Variants in MYO18B observed in about 807,000 individuals in gnomAD.
The protein encoded by MYO18B is unconventional myosin-XVIIIb.
In MYO18B, 204 loss-of-function variants were observed where a neutral mutation model predicts 273.0. The ratio of observed to expected loss-of-function variants is 0.75; its 90% CI spans 0.67 to 0.84. MYO18B has a LOEUF of 0.84. Ranked by LOEUF, MYO18B falls within the 40% of genes least tolerant of loss-of-function variation. The probability of loss-of-function intolerance (pLI) is 0.00; values close to 1 mark genes in which losing one functional copy is unlikely to be tolerated. For missense variants in MYO18B, 3,212 were observed against 3,287.6 expected (o/e 0.98, Z 0.56); for synonymous variants, 1,330 against 1,305.7 (o/e 1.02, Z -0.40).
intron 20 of MYO18B, among the ~76,000 whole-genome samples, chr22:25,848,819 G>A (rs769205515): frequency 6.6e-6 from 1 of 152,144 alleles, no homozygotes; most frequent in Non-Finnish European, 1.5e-5. Context: ...AGGACAGGGT[G>A]GCTGGGACAG....
chr22:25,848,282 G>A (rs2090319859), intron 20 of MYO18B, among the ~76,000 whole-genome samples: 1 of 152,180 alleles, frequency 6.6e-6, no homozygotes, highest in African/African-American at 2.4e-5. Context: ...AGGGATACGG[G>A]AGGCCCTGAG....
intron 25 of MYO18B, among the ~76,000 whole-genome samples, chr22:25,885,371 C>T (rs1181777639): frequency 6.6e-6 from 1 of 152,102 alleles, no homozygotes; most frequent in Non-Finnish European, 1.5e-5. Context: ...TGAGGAGAAG[C>T]ATCTACTCAG....
chr22:26,031,129 ACC>A (rs1407026257), downstream of MYO18B: 1 of 391,972 alleles, frequency 2.6e-6, no homozygotes. Flanking sequence ...TTCCCTTTTT[ACC>A]AAGGCGAAGC....
At chr22:26,038,661 ACTC>A in the MYO18B span, among the ~76,000 whole-genome samples, 1 of 151,704 alleles carries the variant, frequency 6.6e-6, no homozygotes, top group African/African-American at 2.4e-5. Flanking sequence ...CTCTCTCTCC[ACTC>A]CTCCTCCTGT....
intron 9 of MYO18B, among the ~76,000 whole-genome samples, chr22:25,781,471 G>A (rs568993537): frequency 6.6e-6 from 1 of 152,248 alleles, no homozygotes; most frequent in African/African-American, 2.4e-5. Flanking sequence ...TTAGCCGGGC[G>A]TGGTGGTGGG....
In MYO18B at chr22:25,769,377, G is replaced by T. The variant is rs1434879296; in HGVS notation, c.1461G>T (p.Gly487=). ...RPRIRKENQD[G]PAPQEEGKGG... is the part of the protein sequence containing the mutation. ...GGATACGGAAGGAGAACCAAGACGG[G>T]CCAGCCCCGCAGGAGGAGGGCAAAG... Residue 487 remains glycine (G), a synonymous_variant, in exon 4 of 44, where the codon GGG becomes GGT. Coordinates refer to ENST00000335473, the MANE Select transcript of MYO18B (RefSeq NM_032608.7). 1.3e-6 allele frequency: 2 copies of T among 1,572,652 alleles called. No homozygotes were observed. The highest frequency in any genetic ancestry group is 1.7e-6 in the Non-Finnish European group (2 of 1,159,740).
At chr22:25,944,448 G>A (rs2092681205) in intron 34 of MYO18B, among the ~76,000 whole-genome samples, 2 of 152,078 alleles carry the variant, frequency 1.3e-5, no homozygotes, top group African/African-American at 2.4e-5. Context: ...TTTCTGTTCC[G>A]AGATACAGAA....
chr22:25,777,675 G>C lies in MYO18B; in HGVS notation c.1962G>C (p.Gln654His). Residue 654 changes from glutamine to histidine, a missense_variant, in exon 8 of 44, where the codon CAG becomes CAC. Coordinates refer to ENST00000335473, the MANE Select transcript of MYO18B (RefSeq NM_032608.7). ...YWALLNQRRD[Q>H]SIVALGWSGA... is the part of the protein sequence containing the mutation. ...CGCTGCTGAACCAGCGGAGAGACCA[G>C]AGCATTGTGGCCCTGGGCTGGAGTG... is the stretch of plus-strand genomic sequence containing the variant. The C allele has an allele frequency of 6.2e-7, 1 of 1,613,264 alleles. No individual in the cohort carries two copies. The highest frequency in any genetic ancestry group is 8.5e-7 in the Non-Finnish European group (1 of 1,179,538).
intron 34 of MYO18B, among the ~76,000 whole-genome samples, chr22:25,930,081 A>T (rs1253242440): frequency 1.3e-5 from 2 of 152,028 alleles, no homozygotes; most frequent in Non-Finnish European, 2.9e-5. Context: ...CCTTTGCCCA[A>T]GCAATGCCCT....
chr22:26,060,784 A>C, the MYO18B span, among the ~76,000 whole-genome samples: 3 of 145,082 alleles, frequency 2.1e-5, no homozygotes, highest in East Asian at 5.9e-4. Flanking sequence ...ATTTATACAT[A>C]TACACATATG....
intron 40 of MYO18B, among the ~76,000 whole-genome samples, chr22:25,992,965 G>T (rs564840370): frequency 3.3e-5 from 5 of 152,340 alleles, no homozygotes; most frequent in Non-Finnish European, 7.3e-5. Flanking sequence ...TGACAGATAT[G>T]TAAGTGCTAT....
In MYO18B at chr22:25,947,487, T is replaced by TACACACACACACAC. The variant is rs57844236; in HGVS notation, c.5632-182_5632-169dup. 3.0e-3 allele frequency among the ~76,000 whole-genome samples: 337 copies of TACACACACACACAC among 110,644 alleles called. 16 individuals are homozygous for TACACACACACACAC. Among genetic ancestry groups the TACACACACACACAC allele is most frequent in the Non-Finnish European group, 3.9e-3 (207 of 53,068 alleles). 72.6% of individuals were successfully genotyped at this position (110,644 alleles called of 152,430 possible). On this transcript the variant is annotated intron_variant, in intron 35 of 43. Transcript: ENST00000335473. Reference sequence around the variant, plus strand: ...ATTCATAGTCACATGTAATGCCTAATACACACACACACACACACACACACA... The same window carrying TACACACACACACAC: ...ATTCATAGTCACATGTAATGCCTAATACACACACACACACACACACACACACACACACACACACA...
rs1470890882 is a variant in MYO18B, at chr22:26,025,854, A to C, written c.6471-591A>C. Among the ~76,000 whole-genome samples the C allele has an allele frequency of 2.0e-5, 3 of 152,322 alleles. No individual in the cohort carries two copies. In the East Asian group the frequency reaches 5.8e-4, roughly 29 times the overall value. ...CACGTCTGGTGTAGTCCCAGAATAG[A>C]AACCGTCTGTCCTCTTGTGTATAGT... On this transcript the variant is annotated intron_variant, in intron 42 of 43. Coordinates refer to ENST00000335473, the MANE Select transcript of MYO18B (RefSeq NM_032608.7).
At chr22:25,796,230 TA>T (rs11307558) in intron 11 of MYO18B, among the ~76,000 whole-genome samples, 148,740 of 151,994 alleles carry the variant, frequency 0.98, 72,846 homozygotes, top group Non-Finnish European at 1. Context: ...TCATAAATCT[TA>T]AAAAAAAATC....
chr22:26,003,592 T>G (rs1934170819), intron 41 of MYO18B, among the ~76,000 whole-genome samples: 1 of 152,220 alleles, frequency 6.6e-6, no homozygotes, highest in Non-Finnish European at 1.5e-5. Flanking sequence ...GATGTTTGTA[T>G]TCTGCACATT....
At chr22:25,789,326 TTA>T (rs921058489) in intron 11 of MYO18B, among the ~76,000 whole-genome samples, 1 of 15,322 alleles carries the variant, frequency 6.5e-5, no homozygotes, top group Non-Finnish European at 6.0e-4. Flanking sequence ...AAGCATCTGT[TTA>T]AAAAAAAAAC....
chr22:25,895,137 C>T lies in MYO18B; in HGVS notation c.4544-19C>T. On this transcript the variant is annotated intron_variant, in intron 27 of 43. Transcript: ENST00000335473. ...CTCATTTGGCCTCTTATCCTGGTCT[C>T]CCTGACTCCGTTAAACAGCAGACGA... The T allele has an allele frequency of 6.2e-7, 1 of 1,611,442 alleles. No individual in the cohort carries two copies. Among genetic ancestry groups the T allele is most frequent in the Admixed American group, 1.7e-5 (1 of 59,890 alleles).
intron 4 of MYO18B, 159 bp from the exon 5 acceptor site, chr22:25,769,951 G>A (rs2086658507): frequency 1.4e-5 from 10 of 721,800 alleles, no homozygotes; most frequent in African/African-American, 3.5e-5. Flanking sequence ...GGTCCGCAAC[G>A]GGAATCTGCA....
intron 17 of MYO18B, among the ~76,000 whole-genome samples, chr22:25,838,832 T>C (rs2089985673): frequency 6.6e-6 from 1 of 152,046 alleles, no homozygotes; most frequent in African/African-American, 2.4e-5. Flanking sequence ...TGTGTGTATG[T>C]CTGTGTGTAA....
Sources: allele counts gnomAD v4.1 joint callset (sites outside exome capture counted in the v4.1 genomes callset), GRCh38; gene constraint gnomAD v4.1.1; transcripts MANE v1.5; gene names NCBI Gene and HGNC (gene_info 2026-07-23, HGNC 2026-07-21).